Variants in HFE observed in about 807,000 individuals in gnomAD.
The protein encoded by HFE is hereditary hemochromatosis protein.
In HFE, 36 loss-of-function variants were observed where a neutral mutation model predicts 40.9. The ratio of observed to expected loss-of-function variants is 0.88; its 90% CI spans 0.67 to 1.16. HFE has a LOEUF of 1.16. Among genes scored for constraint, HFE ranks in the 50% most tolerant of loss-of-function variants. The pLI, the probability that HFE is intolerant of heterozygous loss-of-function variation, is 0.00. For synonymous variants in HFE, 157 were observed against 165.4 expected, an observed-to-expected ratio of 0.95 and a Z score of 0.39; for missense variants, 376 against 432.0, an observed-to-expected ratio of 0.87 and a Z score of 1.15.
chr6:26,096,354 G>A lies in HFE; in HGVS notation c.*2128G>A, dbSNP rs1763029389. ...TCACCATGTTGGCCAGGCTGGTCTCGAACTCTCCTGACCTCGTGATCCGCC... is the reference window on the plus strand; with the variant it reads ...TCACCATGTTGGCCAGGCTGGTCTCAAACTCTCCTGACCTCGTGATCCGCC... On this transcript the variant is annotated 3_prime_UTR_variant, in exon 6 of 6. Transcript: ENST00000357618. 9.6e-6 allele frequency: 4 copies of A among 416,748 alleles called. No homozygotes were observed. Among genetic ancestry groups the A allele is most frequent in the East Asian group, 7.2e-5 (1 of 13,876 alleles). The allele number at this position is 416,748 out of a possible 1,614,324, so 25.8% of individuals were successfully genotyped here.
chr6:26,090,805 A>G (rs1356981105), intron 1 of HFE, 36 bp from the exon 2 acceptor site: 24 of 1,610,544 alleles, frequency 1.5e-5, no homozygotes, highest in Non-Finnish European at 2.0e-5. Context: ...CTCCCCTCCT[A>G]CTACACATGG....
chr6:26,094,565 C>A lies in HFE; in HGVS notation c.*339C>A. The A allele has an allele frequency of 1.5e-6, 1 of 662,566 alleles. No homozygotes were observed. Among genetic ancestry groups the A allele is most frequent in the Admixed American group, 2.4e-5 (1 of 41,560 alleles). The allele number at this position is 662,566 out of a possible 1,614,324, so 41.0% of individuals were successfully genotyped here. On this transcript the variant is annotated 3_prime_UTR_variant, in exon 6 of 6. Transcript: ENST00000357618. Reference sequence around the variant, plus strand: ...ATTTCCTATTTTTGGAAGAGGACTCCTTAAATTTGGGGGACTTACATGATT... The same window carrying A: ...ATTTCCTATTTTTGGAAGAGGACTCATTAAATTTGGGGGACTTACATGATT...
intron 1 of HFE, among the ~76,000 whole-genome samples, chr6:26,087,735 G>A (rs973505659): frequency 6.6e-6 from 1 of 152,102 alleles, no homozygotes; most frequent in African/African-American, 2.4e-5. Flanking sequence ...CCCCTCCCCC[G>A]GCTGTCCCGG....
chr6:26,090,675 A>G (rs1294190875), intron 1 of HFE, among the ~76,000 whole-genome samples, 166 bp from the exon 2 acceptor site: 1 of 152,122 alleles, frequency 6.6e-6, no homozygotes, highest in African/African-American at 2.4e-5. Flanking sequence ...ACACAAGGAA[A>G]GAGCACCCAG....
In HFE at chr6:26,098,111, A is replaced by G. The variant is rs570059889; in HGVS notation, c.*3885A>G. 179 of 152,308 alleles carry G rather than the reference A, an allele frequency of 1.2e-3. No individual in the cohort carries two copies. The highest frequency in any genetic ancestry group is 4.1e-3 in the African/African-American group (170 of 41,560). 9.4% of individuals were successfully genotyped at this position (152,308 alleles called of 1,614,324 possible). ...ACACTCTAACATGTAGAATGTTACT[A>G]CAATATTAAAGTATTTTGTATGACA... On this transcript the variant is annotated 3_prime_UTR_variant, in exon 6 of 6. Transcript: ENST00000357618.
At chr6:26,088,668 T>G (rs1762454665) in intron 1 of HFE, among the ~76,000 whole-genome samples, 1 of 152,170 alleles carries the variant, frequency 6.6e-6, no homozygotes, top group Admixed American at 6.5e-5. Flanking sequence ...ACACTGGGCT[T>G]TGGTGGCAGA....
Position 26,093,149 on chromosome 6 carries a change from G to T in HFE, c.923G>T (p.Gly308Val), listed in dbSNP as rs781632455. The T allele has an allele frequency of 1.9e-6, 3 of 1,614,148 alleles. No homozygotes were observed. Among genetic ancestry groups the T allele is most frequent in the Admixed American group, 1.7e-5 (1 of 60,016 alleles). Reference sequence around the variant, plus strand: ...TCACCGTCTGGCACCCTAGTCATTGGAGTCATCAGTGGAATTGCTGTTTTT... The same window carrying T: ...TCACCGTCTGGCACCCTAGTCATTGTAGTCATCAGTGGAATTGCTGTTTTT... ...EPSPSGTLVI[G>V]VISGIAVFVV... The change falls in exon 5 of 6, where the codon GGA becomes GTA. Residue 308 changes from glycine (G) to valine (V), a missense_variant. Physicochemically the swap from Gly to Val is moderately radical, Grantham distance 109 (BLOSUM62 -3). Transcript: ENST00000357618.
chr6:26,094,081 C>G, intron 5 of HFE, 105 bp from the exon 6 acceptor site: 1 of 1,070,886 alleles, frequency 9.3e-7, no homozygotes, highest in Non-Finnish European at 1.5e-6. Context: ...CAATAGTGCC[C>G]AGGTCTAAAT....
At chr6:26,090,633 G>T (rs1762628377) in intron 1 of HFE, among the ~76,000 whole-genome samples, 1 of 151,946 alleles carries the variant, frequency 6.6e-6, no homozygotes, top group Admixed American at 6.6e-5. Context: ...GGGGCAGTGA[G>T]GGGGTGGCAG....
intron 3 of HFE, 136 bp from the exon 4 acceptor site, chr6:26,092,549 G>A: frequency 6.7e-7 from 1 of 1,495,764 alleles, no homozygotes; most frequent in East Asian, 2.3e-5. Flanking sequence ...GACACAAAAT[G>A]GTGTCTCTCC....
chr6:26,091,287 A>T (rs779163263), intron 2 of HFE, 27 bp from the exon 3 acceptor site: 41 of 1,613,986 alleles, frequency 2.5e-5, no homozygotes, highest in Admixed American at 5.0e-5. Flanking sequence ...CTTTGGTTGC[A>T]GTTAACAAGG....
In HFE at chr6:26,094,074, TA is replaced by T. The variant is rs1762907641; in HGVS notation, c.1007-111del. ...AGAGATAATGGTTCTTGAAATCCAA[TA>T]GTGCCCAGGTCTAAATTGAGATGGG... On this transcript the variant is annotated intron_variant, in intron 5 of 5. Transcript: ENST00000357618. 6 of 1,018,204 alleles carry T rather than the reference TA, an allele frequency of 5.9e-6. No individual in the cohort carries two copies. The Admixed American group carries it at 8.5e-5, about 14-fold the overall frequency. 63.1% of individuals were successfully genotyped at this position (1,018,204 alleles called of 1,614,324 possible).
intron 1 of HFE, 118 bp downstream of exon 1, chr6:26,087,634 C>A: frequency 1.3e-6 from 1 of 794,726 alleles, no homozygotes; most frequent in Non-Finnish European, 2.0e-6. Context: ...ACCCTATCCG[C>A]AAGCCCCTCT....
At position 26,091,457 on chromosome 6, in the gene HFE, G is replaced by T. The variant is rs145475682; in HGVS notation, c.484G>T (p.Ala162Ser). Residue 162 changes from alanine (A) to serine (S), a missense_variant, in exon 3 of 6, where the codon GCC (alanine) becomes TCC (serine). Coordinates refer to ENST00000357618, the MANE Select transcript of HFE (RefSeq NM_000410.4). ...GGATTGGAGAGCAGCAGAACCCAGG[G>T]CCTGGCCCACCAAGCTGGAGTGGGA... The part of the protein sequence containing the change: ...TLDWRAAEPR[A>S]WPTKLEWERH... 40 of 1,614,178 alleles carry T rather than the reference G, an allele frequency of 2.5e-5. No individual in the cohort carries two copies. In the African/African-American group the frequency reaches 4.5e-4, roughly 18 times the overall value.
At chr6:26,090,820 G>C in intron 1 of HFE, 21 bp from the exon 2 acceptor site, 4 of 1,612,830 alleles carry the variant, frequency 2.5e-6, no homozygotes, top group Non-Finnish European at 3.4e-6. Flanking sequence ...ACATGGTTAA[G>C]GCCTGTTGCT....
chr6:26,093,003 G>A (rs771309974), intron 4 of HFE, 43 bp downstream of exon 4: 1 of 1,613,942 alleles, frequency 6.2e-7, no homozygotes, highest in Admixed American at 1.7e-5. Flanking sequence ...AATCTATTGG[G>A]GGTTGAGAGG....
chr6:26,092,389 A>C lies in HFE; in HGVS notation c.617-296A>C, dbSNP rs62625345. Among the ~76,000 whole-genome samples the C allele has an allele frequency of 0.038, 5,752 of 152,152 alleles. 373 individuals are homozygous for C. The highest frequency in any genetic ancestry group is 0.13 in the African/African-American group (5,247 of 41,450). On this transcript the variant is annotated intron_variant, in intron 3 of 5. Transcript: ENST00000357618. The stretch of plus-strand genomic sequence containing the variant: ...TAGGTTGACCCAGGTGAAACTGACC[A>C]TCTGTATTCAATCATTTTCAATGCA...
intron 2 of HFE, 97 bp from the exon 3 acceptor site, chr6:26,091,217 A>C: frequency 6.2e-6 from 10 of 1,602,790 alleles, no homozygotes; most frequent in Non-Finnish European, 8.5e-6. Flanking sequence ...GGGAAGAGGG[A>C]AGGAATTTGC....
Position 26,097,177 on chromosome 6 carries a change from A to C in HFE, c.*2951A>C, listed in dbSNP as rs1763073547. ...AATTTATTAGGTAAGCATTTGTTTT[A>C]TATTGGTTTTATTTCACCTGGGCTG... On this transcript the variant is annotated 3_prime_UTR_variant, in exon 6 of 6. Transcript: ENST00000357618. The C allele has an allele frequency of 6.6e-6, 1 of 152,358 alleles. No individual in the cohort carries two copies. The highest frequency in any genetic ancestry group is 1.5e-5 in the Non-Finnish European group (1 of 68,164). 9.4% of individuals were successfully genotyped at this position (152,358 alleles called of 1,614,324 possible). A position where few individuals can be genotyped will look rare whatever the true frequency, so the allele number is the denominator to read the frequency against.
Sources: allele counts gnomAD v4.1 joint callset (sites outside exome capture counted in the v4.1 genomes callset), GRCh38; gene constraint gnomAD v4.1.1; transcripts MANE v1.5; gene names NCBI Gene and HGNC (gene_info 2026-07-23, HGNC 2026-07-21).